The following PCLAF variants were observed in gnomAD, a reference collection of about 807,000 sequenced individuals.
PCLAF encodes PCNA clamp associated factor.
In PCLAF, 12 loss-of-function variants were observed where a neutral mutation model predicts 15.1. The ratio of observed to expected loss-of-function variants is 0.79; its 90% confidence interval spans 0.51 to 1.29. PCLAF has a LOEUF of 1.29. PCLAF is among the 50% of genes most tolerant of loss of function. The pLI is 0.00. For synonymous variants in PCLAF, 33 were observed against 47.1 expected, an observed-to-expected ratio of 0.70 and a Z score of 1.22; for missense variants, 116 against 130.9, an observed-to-expected ratio of 0.89 and a Z score of 0.56.
intron 3 of PCLAF, among the ~76,000 whole-genome samples, chr15:64,370,836 T>G (rs1231029682): frequency 2.1e-5 from 3 of 145,112 alleles, no homozygotes; most frequent in Admixed American, 6.7e-5. Flanking sequence ...GTTGTTTTTT[T>G]TTTTTTTTTT....
At chr15:64,387,069 G>T in intron 1 of PCLAF, among the ~76,000 whole-genome samples, 1 of 151,776 alleles carries the variant, frequency 6.6e-6, no homozygotes, top group Middle Eastern at 3.2e-3. Flanking sequence ...TTACCCTCGA[G>T]CTTGCTGAGT....
chr15:64,383,431 T>A (rs998771147), upstream of PCLAF, among the ~76,000 whole-genome samples: 1 of 151,510 alleles, frequency 6.6e-6, no homozygotes, highest in Non-Finnish European at 1.5e-5. Context: ...CAGTGGCGTG[T>A]TCTCGGCTCA....
chr15:64,364,638 C>G lies in PCLAF; in HGVS notation c.*1392G>C, dbSNP rs565339096. ...TGGTTCCACTGTGTGTGCCACCATG[C>G]CAGGCTAATTTTTTATTGTTCATAT... On this transcript the variant is annotated 3_prime_UTR_variant, in exon 4 of 4. Coordinates refer to ENST00000300035, the MANE Select transcript of PCLAF (RefSeq NM_014736.6). 2 of 151,590 alleles carry G rather than the reference C, an allele frequency of 1.3e-5. No homozygotes were observed. The highest frequency in any genetic ancestry group is 3.9e-4 in the East Asian group (2 of 5,180). 9.4% of individuals were successfully genotyped at this position (151,590 alleles called of 1,614,324 possible). A position where few individuals can be genotyped will look rare whatever the true frequency, so the allele number is the denominator to read the frequency against.
chr15:64,375,238 C>T (rs1899560512), intron 3 of PCLAF, among the ~76,000 whole-genome samples: 1 of 152,166 alleles, frequency 6.6e-6, no homozygotes, highest in African/African-American at 2.4e-5. Context: ...AATTCTCCTG[C>T]TTCAGCCTCC....
chr15:64,376,818 G>A lies in PCLAF; in HGVS notation c.215C>T (p.Ser72Phe), dbSNP rs757883774. Residue 72 changes from serine to phenylalanine, a missense_variant, in exon 3 of 4, where the codon TCC becomes TTC. Ser to Phe is a radical substitution (Grantham distance 155). Coordinates refer to ENST00000300035, the MANE Select transcript of PCLAF (RefSeq NM_014736.6). ...ATTCTCTTTTTCAGAATCTTTAGGGGACAACCTAAAGAATTCTCCAATTCC... is the reference window on the plus strand; with the variant it reads ...ATTCTCTTTTTCAGAATCTTTAGGGAACAACCTAAAGAATTCTCCAATTCC... ...QKGIGEFFRL[S>F]PKDSEKENQI... The A allele has an allele frequency of 1.2e-5, 19 of 1,612,652 alleles. 1 individual carries two copies. The South Asian group carries it at 2.1e-4, about 18-fold the overall frequency.
chr15:64,380,128 T>C (rs1045164170), intron 2 of PCLAF, among the ~76,000 whole-genome samples: 13 of 152,008 alleles, frequency 8.6e-5, no homozygotes, highest in African/African-American at 3.1e-4. Flanking sequence ...CACGTCTGTG[T>C]TCCCATCACT....
At chr15:64,377,488 AATATATATATATATATATATATAT>A (rs1166593614) in intron 2 of PCLAF, among the ~76,000 whole-genome samples, 1 of 29,346 alleles carries the variant, frequency 3.4e-5, no homozygotes, top group African/African-American at 1.4e-4. Flanking sequence ...AAAAAAAAAA[AATATATATATATATATATATATAT>A]ATATATATAT....
intron 3 of PCLAF, among the ~76,000 whole-genome samples, chr15:64,369,334 C>T (rs1256524953): frequency 2.9e-5 from 4 of 137,206 alleles, no homozygotes; most frequent in African/African-American, 5.5e-5. Flanking sequence ...GCACTCCAGC[C>T]TGAGTAACAG....
rs1445860664 is a variant in PCLAF, at chr15:64,376,793, A to G, written c.240T>C (p.Asn80=). 6.2e-7 allele frequency: 1 copy of G among 1,613,662 alleles called. No homozygotes were observed. The highest frequency in any genetic ancestry group is 1.3e-5 in the African/African-American group (1 of 74,892). The stretch of plus-strand genomic sequence containing the variant: ...TGCTTCCTGCCTCTTCAGGAATCTG[A>G]TTCTCTTTTTCAGAATCTTTAGGGG... ...RLSPKDSEKE[N]QIPEEAGSSG... is the part of the protein sequence containing the mutation. Residue 80 remains asparagine, a synonymous_variant, in exon 3 of 4, where the codon AAT becomes AAC. Transcript: ENST00000300035.
Position 64,365,609 on chromosome 15 carries a change from T to G in PCLAF, c.*421A>C, listed in dbSNP as rs1446672673. 1.8e-5 allele frequency: 3 copies of G among 169,532 alleles called. No individual in the cohort carries two copies. The highest frequency in any genetic ancestry group is 2.5e-5 in the Non-Finnish European group (2 of 80,048). The allele number at this position is 169,532 out of a possible 1,614,324, so 10.5% of individuals were successfully genotyped here. A position where few individuals can be genotyped will look rare whatever the true frequency, so the allele number is the denominator to read the frequency against. ...AATGTTTAATTAATACTGAATTTTTTAATGTGCAAAAATCTAACTCTGCTT... is the reference window on the plus strand; with the variant it reads ...AATGTTTAATTAATACTGAATTTTTGAATGTGCAAAAATCTAACTCTGCTT... On this transcript the variant is annotated 3_prime_UTR_variant, in exon 4 of 4. Coordinates refer to ENST00000300035, the MANE Select transcript of PCLAF (RefSeq NM_014736.6).
At chr15:64,372,068 G>A (rs985050584) in intron 3 of PCLAF, among the ~76,000 whole-genome samples, 1 of 150,184 alleles carries the variant, frequency 6.7e-6, no homozygotes, top group African/African-American at 2.4e-5. Context: ...CAGTTTTTAA[G>A]TTGTGAAAAT....
At chr15:64,378,110 T>G (rs1440043455) in intron 2 of PCLAF, among the ~76,000 whole-genome samples, 3 of 152,028 alleles carry the variant, frequency 2.0e-5, no homozygotes, top group Non-Finnish European at 4.4e-5. Flanking sequence ...TTTTGTACTT[T>G]TAGTAGAGAC....
At chr15:64,384,606 A>G (rs1216082717), upstream of PCLAF, among the ~76,000 whole-genome samples, 1 of 151,424 alleles carries the variant, frequency 6.6e-6, no homozygotes, top group East Asian at 2.0e-4. Context: ...GCCAGGCATG[A>G]TGGCTGGTGC....
chr15:64,385,784 A>G (rs897271183), upstream of PCLAF, among the ~76,000 whole-genome samples: 5 of 152,184 alleles, frequency 3.3e-5, no homozygotes, highest in African/African-American at 9.7e-5. Context: ...AGCGGGCACC[A>G]TCCAATTAAC....
intron 3 of PCLAF, among the ~76,000 whole-genome samples, chr15:64,372,660 A>C (rs1356700276): frequency 6.6e-6 from 1 of 151,290 alleles, no homozygotes; most frequent in African/African-American, 2.4e-5. Context: ...ATGGCAAATC[A>C]AATCCAAAGC....
chr15:64,368,376 T>C (rs1207713543), intron 3 of PCLAF, among the ~76,000 whole-genome samples: 2 of 152,122 alleles, frequency 1.3e-5, no homozygotes, highest in African/African-American at 2.4e-5. Context: ...AACAAAGATA[T>C]CTTCATTGTA....
At chr15:64,367,018 C>T (rs1023881334) in intron 3 of PCLAF, among the ~76,000 whole-genome samples, 12 of 150,944 alleles carry the variant, frequency 7.9e-5, no homozygotes, top group African/African-American at 2.4e-4. Context: ...ATAGTTTCAG[C>T]GACTCAGGAG....
chr15:64,370,261 T>TG (rs1470092403), intron 3 of PCLAF, among the ~76,000 whole-genome samples: 344 of 148,418 alleles, frequency 2.3e-3, no homozygotes, highest in African/African-American at 8.2e-3. Context: ...TTTTTTTTTT[T>TG]TTTGTGTAGA....
intron 3 of PCLAF, among the ~76,000 whole-genome samples, chr15:64,366,967 TAA>T (rs1262873453): frequency 2.2e-5 from 3 of 138,494 alleles, no homozygotes; most frequent in Admixed American, 7.3e-5. Context: ...AGAGCCTGTC[TAA>T]AAAAAAAAAA....
Sources: allele counts gnomAD v4.1 joint callset (sites outside exome capture counted in the v4.1 genomes callset), GRCh38; gene constraint gnomAD v4.1.1; transcripts MANE v1.5; gene names NCBI Gene and HGNC (gene_info 2026-07-23, HGNC 2026-07-21).